The following SOX6 variants were observed in gnomAD, a reference collection of about 807,000 sequenced individuals.
The protein encoded by SOX6 is transcription factor SOX-6.
Under a neutral mutation model 97.8 loss-of-function variants are expected in SOX6, and 11 were observed. That is an observed-to-expected ratio of 0.11 (90% CI 0.07 to 0.19). The LOEUF (loss-of-function observed/expected upper bound fraction) is 0.19, where lower values mean the gene tolerates loss of function less well. SOX6 is among the 10% of genes least tolerant of loss of function. The pLI is 1.00. For synonymous variants in SOX6, 360 were observed against 371.4 expected (o/e 0.97, Z 0.35); for missense variants, 810 against 1,039.5 (o/e 0.78, Z 3.04).
At chr11:16,177,948 T>C (rs1307104945) in intron 6 of SOX6, among the ~76,000 whole-genome samples, 1 of 151,654 alleles carries the variant, frequency 6.6e-6, no homozygotes, top group Non-Finnish European at 1.5e-5. Flanking sequence ...AGCTGGGGAG[T>C]ACAGTGCAGT....
At chr11:16,484,272 TG>T in intron 4 of SOX6, 1 of 1,110,328 alleles carries the variant, frequency 9.0e-7, no homozygotes, top group Non-Finnish European at 1.4e-6. Context: ...TTGGTGTCAC[TG>T]GGAACCACAT....
chr11:16,155,544 T>C (rs923969656), intron 6 of SOX6, among the ~76,000 whole-genome samples: 1 of 152,168 alleles, frequency 6.6e-6, no homozygotes, highest in Non-Finnish European at 1.5e-5. Context: ...TAACCTCTGT[T>C]AAGCCTCCAT....
chr11:16,308,366 T>C (rs1380081477), intron 3 of SOX6, among the ~76,000 whole-genome samples: 2 of 152,230 alleles, frequency 1.3e-5, no homozygotes, highest in Non-Finnish European at 2.9e-5. Flanking sequence ...TTACAAATTG[T>C]CCTTTAATGC....
chr11:16,442,040 C>A (rs1402928697), intron 1 of SOX6, among the ~76,000 whole-genome samples: 1 of 152,168 alleles, frequency 6.6e-6, no homozygotes, highest in Non-Finnish European at 1.5e-5. Context: ...CAGCCTGATA[C>A]AAATCATAAC....
Position 15,982,899 on chromosome 11 carries a change from C to T in SOX6, c.2183+3305G>A, listed in dbSNP as rs77290990. ...AGTTTCAAATAAATGGAAGTATATT[C>T]GGTCACAGTTCTTTGGGAAGACGTC... is the stretch of plus-strand genomic sequence containing the variant. On this transcript the variant is annotated intron_variant, in intron 15 of 15. Coordinates refer to ENST00000683767, the MANE Select transcript of SOX6 (RefSeq NM_001367873.1). 1.6e-3 allele frequency among the ~76,000 whole-genome samples: 242 copies of T among 152,024 alleles called. 2 individuals carry two copies. The highest frequency in any genetic ancestry group is 5.6e-3 in the African/African-American group (234 of 41,486).
intron 3 of SOX6, among the ~76,000 whole-genome samples, chr11:16,279,051 T>C (rs907920906): frequency 6.6e-6 from 1 of 152,100 alleles, no homozygotes; most frequent in African/African-American, 2.4e-5. Flanking sequence ...AGAATTTCTG[T>C]CTACAACGAA....
intron 12 of SOX6, among the ~76,000 whole-genome samples, chr11:16,034,226 C>G (rs746309139): frequency 2.0e-5 from 3 of 152,178 alleles, no homozygotes; most frequent in Admixed American, 6.5e-5. Flanking sequence ...TTGAGAACTA[C>G]AGGGGACTAC....
chr11:16,550,293 A>C (rs1847668178), intron 4 of SOX6, among the ~76,000 whole-genome samples: 1 of 152,086 alleles, frequency 6.6e-6, no homozygotes, highest in Non-Finnish European at 1.5e-5. Flanking sequence ...AGGGTGGGGA[A>C]CATCACACAC....
At chr11:15,977,630 T>G (rs1360142438) in intron 15 of SOX6, among the ~76,000 whole-genome samples, 1 of 152,010 alleles carries the variant, frequency 6.6e-6, no homozygotes, top group African/African-American at 2.4e-5. Flanking sequence ...TTAGTTCAAT[T>G]TAACTCTCTG....
chr11:16,598,754 A>G (rs1012612859), intron 4 of SOX6, among the ~76,000 whole-genome samples: 1 of 152,218 alleles, frequency 6.6e-6, no homozygotes, highest in East Asian at 1.9e-4. Context: ...TTAAAGAACC[A>G]CTTTTCAAAG....
At chr11:15,976,493 G>T (rs1193397517) in intron 15 of SOX6, among the ~76,000 whole-genome samples, 1 of 152,134 alleles carries the variant, frequency 6.6e-6, no homozygotes, top group Non-Finnish European at 1.5e-5. Flanking sequence ...TGGGAAGCTG[G>T]TGTAAACCTC....
chr11:16,100,919 A>C (rs149393070), intron 7 of SOX6, among the ~76,000 whole-genome samples: 2 of 151,758 alleles, frequency 1.3e-5, no homozygotes, highest in African/African-American at 4.8e-5. Flanking sequence ...TAGAGAGAGA[A>C]AAAAAATAAA....
intron 15 of SOX6, among the ~76,000 whole-genome samples, chr11:15,982,580 T>C (rs191215246): frequency 6.6e-6 from 1 of 152,164 alleles, no homozygotes; most frequent in African/African-American, 2.4e-5. Context: ...ATCCCCTATA[T>C]ACTTTAAACA....
chr11:16,577,322 T>C (rs1482240313), intron 4 of SOX6, among the ~76,000 whole-genome samples: 1 of 152,230 alleles, frequency 6.6e-6, no homozygotes, highest in Non-Finnish European at 1.5e-5. Context: ...AATTTAAGTA[T>C]GTATTGCTTT....
chr11:16,198,829 C>T lies in SOX6; in HGVS notation c.536-11874G>A, dbSNP rs1019432640. Among the ~76,000 whole-genome samples, 6 of 152,316 alleles carry T rather than the reference C, an allele frequency of 3.9e-5. No homozygotes were observed. The East Asian group carries it at 9.6e-4, about 24-fold the overall frequency. ...CCTACTACACTCTCTTTGCTCCCTA[C>T]CCAAGTTCAAAGCCTTTGCTGTGAA... On this transcript the variant is annotated intron_variant, in intron 4 of 15. Coordinates refer to ENST00000683767, the MANE Select transcript of SOX6 (RefSeq NM_001367873.1).
intron 3 of SOX6, among the ~76,000 whole-genome samples, chr11:16,694,699 T>C (rs12419456): frequency 0.014 from 2,063 of 152,250 alleles, 17 homozygotes; most frequent in Middle Eastern, 0.031. Flanking sequence ...GTAGGGAAAA[T>C]GGATGGACAA....
intron 15 of SOX6, among the ~76,000 whole-genome samples, chr11:15,980,427 C>T (rs1314274526): frequency 2.6e-5 from 4 of 151,906 alleles, no homozygotes; most frequent in Non-Finnish European, 5.9e-5. Flanking sequence ...TCTGTGGATG[C>T]AAAATCAGAA....
chr11:16,149,467 TATAAAGTAGGGAA>T (rs145765274), intron 6 of SOX6, among the ~76,000 whole-genome samples: 3,857 of 152,174 alleles, frequency 0.025, 167 homozygotes, highest in African/African-American at 0.088. Flanking sequence ...TGTGCTTCAT[TATAAAGTAGGGAA>T]ATAGGAGTCT....
intron 1 of SOX6, among the ~76,000 whole-genome samples, chr11:16,431,029 A>C (rs535747964): frequency 6.6e-6 from 1 of 152,226 alleles, no homozygotes; most frequent in South Asian, 2.1e-4. Flanking sequence ...AAGTTCATCA[A>C]GTTCACTCCT....
Sources: allele counts gnomAD v4.1 joint callset (sites outside exome capture counted in the v4.1 genomes callset), GRCh38; gene constraint gnomAD v4.1.1; transcripts MANE v1.5; gene names NCBI Gene and HGNC (gene_info 2026-07-23, HGNC 2026-07-21).